The following OSBPL3 variants were observed in gnomAD, a reference collection of about 807,000 sequenced individuals.
OSBPL3 encodes the protein oxysterol binding protein like 3, also known as oxysterol-binding protein-related protein 3.
OSBPL3 carries 65 observed loss-of-function variants against 120.1 expected under a neutral mutation model. The observed-to-expected ratio is 0.54, with a 90% CI of 0.44 to 0.67. The LOEUF is 0.67. Among genes scored for constraint, OSBPL3 ranks in the 30% least tolerant of loss-of-function variants. The pLI is 0.00. For missense variants in OSBPL3, 1,004 were observed against 1,082.1 expected (o/e 0.93, Z 1.01); for synonymous variants, 416 against 402.6 (o/e 1.03, Z -0.40).
chr7:24,865,253 G>A (rs1801144560), intron 7 of OSBPL3, 89 bp downstream of exon 7: 2 of 1,377,726 alleles, frequency 1.5e-6, no homozygotes, highest in South Asian at 2.6e-5. Context: ...CAAGCATAGG[G>A]GAAGGACACA....
intron 14 of OSBPL3, among the ~76,000 whole-genome samples, chr7:24,840,245 A>G (rs1437597682): frequency 6.6e-6 from 1 of 151,970 alleles, no homozygotes; most frequent in Non-Finnish European, 1.5e-5. Context: ...ACCCTTGAAC[A>G]ACACAGGTTT....
At chr7:24,915,130 A>C (rs1809359268) in intron 1 of OSBPL3, among the ~76,000 whole-genome samples, 1 of 152,182 alleles carries the variant, frequency 6.6e-6, no homozygotes, top group South Asian at 2.1e-4. Flanking sequence ...AGAATGAGAA[A>C]TCTTTTAAGA....
rs1016470115 is a variant in OSBPL3 at position 24,806,176 on chromosome 7, T to G, written c.2444+600A>C. On this transcript the variant is annotated intron_variant, in intron 21 of 22. Transcript: ENST00000313367. The surrounding 1 kb of genome is among the most constrained non-coding windows in gnomAD (Gnocchi z 5.2). ...TTCGCCATATTGGCCAGGCTGGTCT[T>G]GAACTCCTGACTTCAAGTGATCCGC... Among the ~76,000 whole-genome samples, 2 of 152,228 alleles carry G rather than the reference T, an allele frequency of 1.3e-5. No individual in the cohort carries two copies. Among genetic ancestry groups the G allele is most frequent in the Non-Finnish European group, 2.9e-5 (2 of 68,034 alleles).
intron 7 of OSBPL3, 56 bp downstream of exon 7, chr7:24,865,286 C>G: frequency 6.3e-7 from 1 of 1,582,726 alleles, no homozygotes; most frequent in Non-Finnish European, 8.6e-7. Context: ...GTGTAAACAT[C>G]AAACCAGTAT....
At chr7:24,829,676 G>A (rs539205638) in intron 16 of OSBPL3, among the ~76,000 whole-genome samples, 4 of 152,240 alleles carry the variant, frequency 2.6e-5, no homozygotes, top group Non-Finnish European at 4.4e-5. Flanking sequence ...GAGAGTGGAC[G>A]TGTTTGATTG....
At chr7:24,919,582 T>A (rs1443612325) in intron 1 of OSBPL3, among the ~76,000 whole-genome samples, 1 of 151,990 alleles carries the variant, frequency 6.6e-6, no homozygotes, top group African/African-American at 2.4e-5. Flanking sequence ...TAGGGGTAAC[T>A]CTTCCTGACC....
Position 24,851,050 on chromosome 7 carries a change from T to C in OSBPL3, c.1158+1454A>G, listed in dbSNP as rs755568112. 2.0e-4 allele frequency among the ~76,000 whole-genome samples: 30 copies of C among 152,184 alleles called. No individual in the cohort carries two copies. The highest frequency in any genetic ancestry group is 3.7e-4 in the Non-Finnish European group (25 of 67,994). ...AGGTCTCAGTGGCCAAACAGGCAGA[T>C]TGACAAGATGAGGCCAGGCCTCTGT... On this transcript the variant is annotated intron_variant, in intron 11 of 22. Transcript: ENST00000313367. The surrounding 1 kb of genome is among the most constrained non-coding windows in gnomAD (Gnocchi z 4.1).
At chr7:24,976,611 G>A (rs1245312943) in intron 1 of OSBPL3, among the ~76,000 whole-genome samples, 4 of 152,148 alleles carry the variant, frequency 2.6e-5, no homozygotes, top group Admixed American at 2.6e-4. Context: ...AAAGGAATGT[G>A]CAGAGAACCA....
intron 14 of OSBPL3, among the ~76,000 whole-genome samples, chr7:24,838,454 C>T (rs1388498941): frequency 6.6e-6 from 1 of 152,222 alleles, no homozygotes; most frequent in Admixed American, 6.5e-5. Flanking sequence ...CGAGATCGCA[C>T]CACTGCACTC....
intron 1 of OSBPL3, among the ~76,000 whole-genome samples, chr7:24,941,707 T>C (rs1378236104): frequency 2.0e-5 from 3 of 152,182 alleles, no homozygotes; most frequent in South Asian, 4.1e-4. Flanking sequence ...TCACACCTAA[T>C]AGAAGAGCTC....
chr7:24,814,095 T>G lies in OSBPL3; in HGVS notation c.2172+964A>C, dbSNP rs562791051. Among the ~76,000 whole-genome samples, 7 of 152,022 alleles carry G rather than the reference T, an allele frequency of 4.6e-5. No homozygotes were observed. In the South Asian group the frequency reaches 1.2e-3, roughly 27 times the overall value. On this transcript the variant is annotated intron_variant, in intron 19 of 22. Transcript: ENST00000313367. The stretch of plus-strand genomic sequence containing the variant: ...TGAGCAGGCTGACTTCAGACGGTGA[T>G]AAGAACTCTGAAGAAAATGGGACAG...
chr7:24,838,027 G>C (rs1211856432), intron 14 of OSBPL3, among the ~76,000 whole-genome samples: 1 of 152,174 alleles, frequency 6.6e-6, no homozygotes, highest in South Asian at 2.1e-4. Context: ...GCAAAATGAT[G>C]ATATGAAATG....
intron 5 of OSBPL3, 143 bp from the exon 6 acceptor site, chr7:24,866,380 G>GT: frequency 1.5e-6 from 1 of 686,390 alleles, no homozygotes; most frequent in Non-Finnish European, 2.5e-6. Context: ...GCTGATGCCT[G>GT]TAATTCCAGC....
chr7:24,853,539 G>A (rs1226464601), intron 10 of OSBPL3, among the ~76,000 whole-genome samples: 2 of 152,176 alleles, frequency 1.3e-5, no homozygotes, highest in Non-Finnish European at 2.9e-5. Flanking sequence ...TGACTCAAGG[G>A]GCAACATGGT....
chr7:24,875,022 G>A (rs1447642824), intron 2 of OSBPL3, among the ~76,000 whole-genome samples: 1 of 152,194 alleles, frequency 6.6e-6, no homozygotes, highest in African/African-American at 2.4e-5. Flanking sequence ...GAATGGCTGG[G>A]AGCCAGGAAT....
At chr7:24,958,215 C>T (rs1439996801) in intron 1 of OSBPL3, among the ~76,000 whole-genome samples, 2 of 152,156 alleles carry the variant, frequency 1.3e-5, no homozygotes, top group African/African-American at 4.8e-5. Context: ...CATTTCTCCA[C>T]ATGCTGATCA....
In OSBPL3 at chr7:24,819,177, C is replaced by T. The variant is rs1179343177; in HGVS notation, c.1948+998G>A. On this transcript the variant is annotated intron_variant, in intron 17 of 22. Transcript: ENST00000313367. This position sits in a 1 kb window ranked among gnomAD's most constrained non-coding sequence, Gnocchi z 4.1. ...CTGAGACAGGAGAATCACTTGAACA[C>T]GGGAGACGGAGGTTGCAGTGAGCCG... is the stretch of plus-strand genomic sequence containing the variant. Among the ~76,000 whole-genome samples the T allele has an allele frequency of 4.7e-5, 7 of 148,794 alleles. No homozygotes were observed. The highest frequency in any genetic ancestry group is 2.0e-4 in the East Asian group (1 of 5,070).
rs547559972 is a variant in OSBPL3 at position 24,864,530 on chromosome 7, C to T, written c.673+812G>A. 6.6e-5 allele frequency among the ~76,000 whole-genome samples: 10 copies of T among 152,300 alleles called. No individual in the cohort carries two copies. In the East Asian group the frequency reaches 1.5e-3, roughly 23 times the overall value. On this transcript the variant is annotated intron_variant, in intron 7 of 22. Coordinates refer to ENST00000313367, the MANE Select transcript of OSBPL3 (RefSeq NM_015550.4). ...AGTGATATTTATTAGAGGGGTAAAG[C>T]CTACATGGTCCCAAGGGTGATATTA... is the stretch of plus-strand genomic sequence containing the variant.
Position 24,803,680 on chromosome 7 carries a change from A to C in OSBPL3, c.2567+635T>G, listed in dbSNP as rs1792659061. ...CAGCTACTTAGGAGGCTGAGGCAGG[A>C]GAATCGCTTGAACCCAGGAGGTGGA... On this transcript the variant is annotated intron_variant, in intron 22 of 22. Coordinates refer to ENST00000313367, the MANE Select transcript of OSBPL3 (RefSeq NM_015550.4). The surrounding 1 kb of genome is among the most constrained non-coding windows in gnomAD (Gnocchi z 4.2). Among the ~76,000 whole-genome samples the C allele has an allele frequency of 6.6e-6, 1 of 152,100 alleles. No homozygotes were observed. Among genetic ancestry groups the C allele is most frequent in the Non-Finnish European group, 1.5e-5 (1 of 68,010 alleles).
Sources: allele counts gnomAD v4.1 joint callset (sites outside exome capture counted in the v4.1 genomes callset), GRCh38; gene constraint gnomAD v4.1.1; non-coding constraint Gnocchi (gnomAD v3.1); transcripts MANE v1.5; gene names NCBI Gene and HGNC (gene_info 2026-07-23, HGNC 2026-07-21).